TPTE: variants seen among roughly 807,000 people sequenced by gnomAD.
TPTE encodes transmembrane phosphatase with tensin homology, also known as putative tyrosine-protein phosphatase TPTE.
Under a neutral mutation model 84.1 loss-of-function variants are expected in TPTE, and 59 were observed. The ratio of observed to expected loss-of-function variants is 0.70; its 90% CI spans 0.57 to 0.87. The LOEUF (loss-of-function observed/expected upper bound fraction) is 0.87. TPTE is among the 40% of genes least tolerant of loss of function. The probability of loss-of-function intolerance (pLI) is 0.00; values close to 1 mark genes in which losing one functional copy is unlikely to be tolerated. For synonymous variants in TPTE, 130 were observed against 223.5 expected (o/e 0.58, Z 3.73); for missense variants, 382 against 659.6 (o/e 0.58, Z 4.61).
At chr21:10,604,067 A>G (rs1476513930) in intron 23 of TPTE, among the ~76,000 whole-genome samples, 1 of 152,312 alleles carries the variant, frequency 6.6e-6, no homozygotes. Context: ...AAGCTGACTG[A>G]CACACTTATA....
chr21:10,559,886 A>AG (rs1320597239), intron 9 of TPTE, among the ~76,000 whole-genome samples: 4 of 151,696 alleles, frequency 2.6e-5, no homozygotes, highest in East Asian at 3.8e-4. Flanking sequence ...AAAAAAAAAA[A>AG]AAAAAAAGAA....
At chr21:10,545,996 C>G (rs902538512) in intron 7 of TPTE, among the ~76,000 whole-genome samples, 4 of 152,228 alleles carry the variant, frequency 2.6e-5, no homozygotes, top group African/African-American at 9.6e-5. Context: ...TTTATATATA[C>G]ATATATGTGT....
intron 14 of TPTE, among the ~76,000 whole-genome samples, chr21:10,571,848 T>C (rs1410609139): frequency 6.6e-6 from 1 of 152,280 alleles, no homozygotes; most frequent in Non-Finnish European, 1.5e-5. Flanking sequence ...CTCTAAAAAA[T>C]ACAAAAATTA....
intron 2 of TPTE, among the ~76,000 whole-genome samples, chr21:10,525,399 A>G (rs536481084): frequency 2.0e-5 from 3 of 152,300 alleles, no homozygotes; most frequent in Non-Finnish European, 4.4e-5. Context: ...ATCTCCAGGA[A>G]CGTTTAGGAA....
At chr21:10,597,501 G>C (rs1351319962) in intron 20 of TPTE, among the ~76,000 whole-genome samples, 1 of 149,460 alleles carries the variant, frequency 6.7e-6, no homozygotes, top group Non-Finnish European at 1.5e-5. Context: ...TGCAGCCTCT[G>C]CCTGCCGGGT....
chr21:10,536,577 GAGAA>G (rs2145601993), intron 3 of TPTE, among the ~76,000 whole-genome samples: 1 of 152,422 alleles, frequency 6.6e-6, no homozygotes, highest in African/African-American at 2.4e-5. Context: ...CAGGGAGAGA[GAGAA>G]AGGGAGAGAA....
chr21:10,539,180 G>A (rs1316975491), intron 4 of TPTE, among the ~76,000 whole-genome samples: 4 of 152,294 alleles, frequency 2.6e-5, no homozygotes, highest in African/African-American at 9.6e-5. Flanking sequence ...TTGACAGAAA[G>A]GAGGAGAAAA....
chr21:10,533,932 G>T (rs1266143975), intron 3 of TPTE, among the ~76,000 whole-genome samples: 1 of 152,312 alleles, frequency 6.6e-6, no homozygotes, highest in African/African-American at 2.4e-5. Context: ...ACAGAAAATG[G>T]AAGTGAGGTC....
At chr21:10,579,664 C>A (rs2075236249) in intron 17 of TPTE, among the ~76,000 whole-genome samples, 1 of 152,312 alleles carries the variant, frequency 6.6e-6, no homozygotes, top group Non-Finnish European at 1.5e-5. Flanking sequence ...TGGCTTATTT[C>A]ACTTAACATA....
intron 7 of TPTE, among the ~76,000 whole-genome samples, chr21:10,548,558 AG>A (rs1463402480): frequency 6.6e-6 from 1 of 152,286 alleles, no homozygotes; most frequent in African/African-American, 2.4e-5. Flanking sequence ...ACACATCCTG[AG>A]CTAGAATAGC....
intron 17 of TPTE, among the ~76,000 whole-genome samples, chr21:10,588,210 T>TA (rs1228110771): frequency 4.6e-5 from 7 of 152,074 alleles, no homozygotes; most frequent in Admixed American, 3.9e-4. Context: ...TTTTTTTTTT[T>TA]ATCAAGAAAG....
chr21:10,526,583 AC>A (rs1256495495), intron 2 of TPTE, among the ~76,000 whole-genome samples: 1 of 152,312 alleles, frequency 6.6e-6, no homozygotes, highest in Non-Finnish European at 1.5e-5. Context: ...ACTTATTTAA[AC>A]GTTTGAAAAG....
At chr21:10,548,110 A>T (rs2074503608) in intron 7 of TPTE, among the ~76,000 whole-genome samples, 1 of 152,306 alleles carries the variant, frequency 6.6e-6, no homozygotes, top group Admixed American at 6.5e-5. Context: ...CCCAGCAGGC[A>T]CACCACCGAG....
At chr21:10,562,553 T>C (rs1472964887) in intron 10 of TPTE, among the ~76,000 whole-genome samples, 4 of 152,312 alleles carry the variant, frequency 2.6e-5, no homozygotes, top group Admixed American at 2.6e-4. Flanking sequence ...ATTAGATAAG[T>C]TTAACAAAGA....
intron 21 of TPTE, among the ~76,000 whole-genome samples, chr21:10,601,706 AGCTGG>A (rs1460395229): frequency 1.6e-3 from 243 of 151,846 alleles, no homozygotes; most frequent in African/African-American, 5.6e-3. Context: ...TTCAAAAATT[AGCTGG>A]GTATGATGGC....
At chr21:10,531,422 C>T (rs1208764177) in intron 3 of TPTE, among the ~76,000 whole-genome samples, 4 of 152,312 alleles carry the variant, frequency 2.6e-5, no homozygotes, top group African/African-American at 9.6e-5. Flanking sequence ...TCATCTTCCA[C>T]CATAAATGGG....
At chr21:10,546,618 T>A (rs989872126) in intron 7 of TPTE, among the ~76,000 whole-genome samples, 1 of 152,304 alleles carries the variant, frequency 6.6e-6, no homozygotes, top group African/African-American at 2.4e-5. Flanking sequence ...AGACTGCTAC[T>A]CCAGTGAACA....
At chr21:10,580,455 C>T (rs2075252239) in intron 17 of TPTE, among the ~76,000 whole-genome samples, 1 of 152,312 alleles carries the variant, frequency 6.6e-6, no homozygotes, top group East Asian at 1.9e-4. Context: ...AGATTTTCAC[C>T]TATCTTTTCT....
intron 7 of TPTE, among the ~76,000 whole-genome samples, chr21:10,549,567 A>G (rs1310537457): frequency 5.3e-5 from 8 of 152,304 alleles, no homozygotes; most frequent in South Asian, 2.1e-4. Context: ...AATACAATCA[A>G]TGGCTTTACA....
Sources: gnomAD v4.1 joint callset for allele counts (sites outside exome capture counted in the v4.1 genomes callset) on GRCh38, gnomAD v4.1.1 for gene constraint, MANE v1.5 for transcripts, NCBI Gene and HGNC (gene_info 2026-07-23, HGNC 2026-07-21) for gene names.